Variants in STAG1 observed in about 807,000 individuals in gnomAD.
STAG1 encodes cohesin subunit SA-1.
In STAG1, 26 loss-of-function variants were observed where a neutral mutation model predicts 170.9. The observed-to-expected ratio is 0.15, with a 90% CI of 0.11 to 0.21. STAG1 has a LOEUF of 0.21. Among genes scored for constraint, STAG1 ranks in the 10% least tolerant of loss-of-function variants. STAG1 has a pLI of 1.00. For missense variants in STAG1, 964 were observed against 1,509.5 expected, an observed-to-expected ratio of 0.64 and a Z score of 5.99; for synonymous variants, 514 against 497.7, an observed-to-expected ratio of 1.03 and a Z score of -0.44.
intron 5 of STAG1, among the ~76,000 whole-genome samples, chr3:136,552,112 A>C (rs1396216514): frequency 6.6e-6 from 1 of 152,200 alleles, no homozygotes; most frequent in African/African-American, 2.4e-5. Flanking sequence ...GTCAGCCTAC[A>C]TTTGAAAGCT....
intron 6 of STAG1, among the ~76,000 whole-genome samples, chr3:136,525,319 C>G (rs148605619): frequency 0.017 from 2,632 of 152,168 alleles, 84 homozygotes; most frequent in African/African-American, 0.06. Flanking sequence ...CTGGTTTAGT[C>G]TTGGGAGGGT....
chr3:136,417,286 A>C (rs576799040), intron 21 of STAG1, among the ~76,000 whole-genome samples: 4 of 152,316 alleles, frequency 2.6e-5, no homozygotes, highest in African/African-American at 9.6e-5. Flanking sequence ...CCTACACTTA[A>C]TGATGGAGAT....
intron 14 of STAG1, among the ~76,000 whole-genome samples, chr3:136,451,308 C>T (rs527818138): frequency 4.2e-4 from 64 of 152,226 alleles, no homozygotes; most frequent in Non-Finnish European, 7.9e-4. Context: ...CTATGAGGCT[C>T]GTACAACTAT....
intron 1 of STAG1, among the ~76,000 whole-genome samples, chr3:136,648,864 A>G (rs1410715359): frequency 6.6e-6 from 1 of 152,118 alleles, no homozygotes; most frequent in African/African-American, 2.4e-5. Context: ...CCGCAATTCA[A>G]TTCTCCACCC....
intron 1 of STAG1, among the ~76,000 whole-genome samples, chr3:136,685,979 A>G (rs111572289): frequency 3.9e-5 from 6 of 152,342 alleles, no homozygotes; most frequent in African/African-American, 1.2e-4. Context: ...TTTAATAGAA[A>G]GCTCATTGGT....
intron 1 of STAG1, among the ~76,000 whole-genome samples, chr3:136,686,842 G>C (rs1171366297): frequency 6.6e-6 from 1 of 152,164 alleles, no homozygotes; most frequent in Non-Finnish European, 1.5e-5. Flanking sequence ...AGCTACTTAA[G>C]TAATTCAGAG....
chr3:136,720,976 G>A (rs1368934325), intron 1 of STAG1, among the ~76,000 whole-genome samples: 1 of 152,110 alleles, frequency 6.6e-6, no homozygotes, highest in Non-Finnish European at 1.5e-5. Context: ...GACGCAGAGA[G>A]GTAAAAGTAA....
At chr3:136,622,152 AAAAAAAG>A (rs1368664629) in intron 3 of STAG1, among the ~76,000 whole-genome samples, 2 of 150,532 alleles carry the variant, frequency 1.3e-5, no homozygotes, top group Non-Finnish European at 3.0e-5. Flanking sequence ...AAAAAAAAAA[AAAAAAAG>A]AAAAGAAAAA....
At chr3:136,566,067 C>T (rs1937065834) in intron 5 of STAG1, among the ~76,000 whole-genome samples, 1 of 152,094 alleles carries the variant, frequency 6.6e-6, no homozygotes, top group South Asian at 2.1e-4. Flanking sequence ...AGGGTATTTT[C>T]CTGGGGAGAT....
chr3:136,671,823 A>G (rs1024567037), intron 1 of STAG1, among the ~76,000 whole-genome samples: 1 of 152,240 alleles, frequency 6.6e-6, no homozygotes, highest in African/African-American at 2.4e-5. Context: ...CCGAGGCTGC[A>G]GTGAGCCAAG....
intron 16 of STAG1, among the ~76,000 whole-genome samples, chr3:136,430,824 C>G (rs904387083): frequency 7.8e-6 from 1 of 127,772 alleles, no homozygotes; most frequent in African/African-American, 2.9e-5. Context: ...CACACACACA[C>G]ACACACACAC....
At chr3:136,461,592 A>G (rs1420564612) in intron 13 of STAG1, among the ~76,000 whole-genome samples, 1 of 148,342 alleles carries the variant, frequency 6.7e-6, no homozygotes, top group African/African-American at 2.5e-5. Context: ...TCCGTCTTGA[A>G]AAAAAAAAAA....
rs754818130 is a variant in STAG1, at chr3:136,349,407, T to C, written c.3066-44A>G. 18 of 1,445,168 alleles carry C rather than the reference T, an allele frequency of 1.2e-5. No individual in the cohort carries two copies. In the African/African-American group the frequency reaches 2.5e-4, roughly 20 times the overall value. 89.5% of individuals were successfully genotyped at this position (1,445,168 alleles called of 1,614,324 possible). A position where few individuals can be genotyped will look rare whatever the true frequency, so the allele number is the denominator to read the frequency against. ...CAGCAGTGATTTTCAGAGAAGCAGT[T>C]CATACATCACTTACTTTTTCTTAAT... is the stretch of plus-strand genomic sequence containing the variant. On this transcript the variant is annotated intron_variant, in intron 28 of 33. Coordinates refer to ENST00000383202, the MANE Select transcript of STAG1 (RefSeq NM_005862.3).
At chr3:136,694,366 A>T (rs539215262) in intron 1 of STAG1, among the ~76,000 whole-genome samples, 1 of 152,218 alleles carries the variant, frequency 6.6e-6, no homozygotes, top group South Asian at 2.1e-4. Context: ...CTGTAATCTC[A>T]ACATTCTGGA....
intron 21 of STAG1, among the ~76,000 whole-genome samples, chr3:136,412,059 T>A (rs2107712760): frequency 6.6e-6 from 1 of 152,130 alleles, no homozygotes; most frequent in Non-Finnish European, 1.5e-5. Context: ...CTAACGTACA[T>A]AGGAACTGGA....
intron 4 of STAG1, among the ~76,000 whole-genome samples, chr3:136,583,587 G>A (rs894026563): frequency 2.6e-5 from 4 of 152,010 alleles, no homozygotes; most frequent in Non-Finnish European, 5.9e-5. Context: ...TCAGGAGTTC[G>A]ACACCAGCCT....
At chr3:136,412,471 A>C (rs1051970699) in intron 21 of STAG1, among the ~76,000 whole-genome samples, 1 of 152,224 alleles carries the variant, frequency 6.6e-6, no homozygotes, top group Non-Finnish European at 1.5e-5. Flanking sequence ...AGCTCACTTC[A>C]GTAATTAAAA....
At chr3:136,377,335 C>A (rs1218767650) in intron 23 of STAG1, among the ~76,000 whole-genome samples, 7 of 133,302 alleles carry the variant, frequency 5.3e-5, no homozygotes, top group African/African-American at 8.6e-5. Context: ...TGCAGTGAGC[C>A]GAGATTGCGC....
rs556420411 is a variant in STAG1, at chr3:136,678,605, A to G, written c.-83-47624T>C. Among the ~76,000 whole-genome samples, 5 of 152,050 alleles carry G rather than the reference A, an allele frequency of 3.3e-5. No homozygotes were observed. The East Asian group carries it at 9.6e-4, about 29-fold the overall frequency. ...AAAAGTAGAACTATAAAAAATTCAT[A>G]TTAAAAATTAAGTTTTTGTATCTAG... On this transcript the variant is annotated intron_variant, in intron 1 of 33. Transcript: ENST00000383202.
Sources: allele counts gnomAD v4.1 joint callset (sites outside exome capture counted in the v4.1 genomes callset), GRCh38; gene constraint gnomAD v4.1.1; transcripts MANE v1.5; gene names NCBI Gene and HGNC (gene_info 2026-07-23, HGNC 2026-07-21).